Variants in EFR3B observed in about 807,000 individuals in gnomAD.
EFR3B encodes EFR3 homolog B.
Under a neutral mutation model 104.7 loss-of-function variants are expected in EFR3B, and 64 were observed. The ratio of observed to expected loss-of-function variants is 0.61; its 90% CI spans 0.50 to 0.75. The LOEUF (loss-of-function observed/expected upper bound fraction) is 0.75. EFR3B is among the 30% of genes least tolerant of loss of function. EFR3B has a pLI of 0.00. For synonymous variants in EFR3B, 385 were observed against 417.9 expected (o/e 0.92, Z 0.96); for missense variants, 750 against 1,078.5 (o/e 0.70, Z 4.27).
intron 19 of EFR3B, among the ~76,000 whole-genome samples, chr2:25,148,442 A>G (rs1195093236): frequency 1.3e-5 from 2 of 151,442 alleles, no homozygotes; most frequent in Non-Finnish European, 2.9e-5. Context: ...TTTAGTAGAG[A>G]TGGGGTTTCA....
chr2:25,046,504 G>A (rs1558579263), intron 1 of EFR3B, among the ~76,000 whole-genome samples: 1 of 90,996 alleles, frequency 1.1e-5, no homozygotes, highest in African/African-American at 3.3e-5. Context: ...GAAGTACAAA[G>A]TCTTTTTTTT....
In EFR3B at chr2:25,042,966, T is replaced by TCCCCTCAACTGCCG. The variant is rs968036852; in HGVS notation, c.7+648_7+661dup. Among the ~76,000 whole-genome samples, 1 of 152,152 alleles carries TCCCCTCAACTGCCG rather than the reference T, an allele frequency of 6.6e-6. No homozygotes were observed. Among genetic ancestry groups the TCCCCTCAACTGCCG allele is most frequent in the African/African-American group, 2.4e-5 (1 of 41,452 alleles). On this transcript the variant is annotated intron_variant, in intron 1 of 22. Coordinates refer to ENST00000403714, the MANE Select transcript of EFR3B (RefSeq NM_014971.2). The surrounding 1 kb of genome is among the most constrained non-coding windows in gnomAD (Gnocchi z 5.4). The stretch of plus-strand genomic sequence containing the variant: ...TGACCTCTCCCCGCCTCCACCGCCA[T>TCCCCTCAACTGCCG]CCCCTCAACTGCCGTGCAACAGTTA...
chr2:25,133,366 G>T lies in EFR3B; in HGVS notation c.1260-17G>T. 1 of 1,552,240 alleles carries T rather than the reference G, an allele frequency of 6.4e-7. No individual in the cohort carries two copies. Among genetic ancestry groups the T allele is most frequent in the East Asian group, 2.4e-5 (1 of 40,914 alleles). ...CCTATTACCATCCTGGTGAGTGTTT[G>T]TGTCTCTGGTCTACAGGGAGAATAG... On this transcript the variant is annotated splice_polypyrimidine_tract_variant and intron_variant, in intron 11 of 22. Coordinates refer to ENST00000403714, the MANE Select transcript of EFR3B (RefSeq NM_014971.2).
chr2:25,125,680 G>A (rs1307115378), intron 5 of EFR3B, among the ~76,000 whole-genome samples: 2 of 152,222 alleles, frequency 1.3e-5, no homozygotes, highest in African/African-American at 4.8e-5. Flanking sequence ...CAGGCACGGT[G>A]GCTCACGCCT....
intron 3 of EFR3B, among the ~76,000 whole-genome samples, chr2:25,098,844 T>A (rs1669353307): frequency 6.8e-6 from 1 of 146,372 alleles, no homozygotes; most frequent in South Asian, 2.3e-4. Context: ...TTTTTTTTTT[T>A]TTTTTTTTTT....
intron 4 of EFR3B, among the ~76,000 whole-genome samples, chr2:25,105,974 G>A (rs1160224994): frequency 6.6e-6 from 1 of 152,240 alleles, no homozygotes; most frequent in Non-Finnish European, 1.5e-5. Context: ...TATTGTCAGT[G>A]AGTTAAGTCA....
intron 4 of EFR3B, among the ~76,000 whole-genome samples, chr2:25,105,894 G>T (rs769790661): frequency 3.3e-5 from 5 of 152,154 alleles, no homozygotes. Context: ...GTGAATCATC[G>T]CATCAGCCAG....
chr2:25,043,496 G>C (rs1268327841), intron 1 of EFR3B, among the ~76,000 whole-genome samples: 2 of 152,218 alleles, frequency 1.3e-5, no homozygotes, highest in Non-Finnish European at 2.9e-5. Context: ...CTGAGAGAGA[G>C]AGAGAGACTG....
intron 19 of EFR3B, chr2:25,145,433 G>C (rs1405676650): frequency 1.0e-5 from 3 of 295,542 alleles, no homozygotes; most frequent in African/African-American, 2.1e-5. Context: ...AATCAGCCAG[G>C]CATGGTGACG....
At chr2:25,123,733 G>A (rs1409178702) in intron 5 of EFR3B, among the ~76,000 whole-genome samples, 1 of 152,254 alleles carries the variant, frequency 6.6e-6, no homozygotes, top group Non-Finnish European at 1.5e-5. Flanking sequence ...GCCCACGCAG[G>A]CCCTGCCAAG....
intron 15 of EFR3B, among the ~76,000 whole-genome samples, chr2:25,138,387 G>T (rs1365671797): frequency 6.6e-6 from 1 of 152,094 alleles, no homozygotes; most frequent in African/African-American, 2.4e-5. Flanking sequence ...GTCTTCCTGG[G>T]TGCGTGTGTA....
At chr2:25,142,097 G>A (rs937777649) in intron 17 of EFR3B, among the ~76,000 whole-genome samples, 5 of 152,086 alleles carry the variant, frequency 3.3e-5, no homozygotes, top group South Asian at 2.1e-4. Context: ...CCATGAGTTC[G>A]AGACAACCAT....
At chr2:25,128,153 C>G (rs1260259937) in intron 5 of EFR3B, 30 bp from the exon 6 acceptor site, 2 of 1,551,072 alleles carry the variant, frequency 1.3e-6, no homozygotes, top group African/African-American at 2.7e-5. Flanking sequence ...TAGAGGACTT[C>G]CGAGTCCCAC....
intron 3 of EFR3B, among the ~76,000 whole-genome samples, chr2:25,094,109 C>T (rs1388971065): frequency 6.6e-6 from 1 of 151,686 alleles, no homozygotes; most frequent in Non-Finnish European, 1.5e-5. Flanking sequence ...CAACATACTG[C>T]CCATCTCTAC....
At position 25,145,048 on chromosome 2, in the gene EFR3B, G is replaced by A. The variant is rs772214354; in HGVS notation, c.2139G>A (p.Glu713=). The A allele has an allele frequency of 3.9e-6, 6 of 1,551,770 alleles. No homozygotes were observed. The highest frequency in any genetic ancestry group is 2.0e-5 in the Admixed American group (1 of 51,014). The part of the protein sequence containing the change: ...EVESRNSPEK[E]ERVPAEEITY... ...AATCGAGGAACAGTCCGGAGAAGGAGGAGGTGAGTGTCCGTGCCACCGTCC... is the reference window on the plus strand; with the variant it reads ...AATCGAGGAACAGTCCGGAGAAGGAAGAGGTGAGTGTCCGTGCCACCGTCC... The change falls in exon 19 of 23, where the codon GAG becomes GAA. Residue 713 remains glutamate, a synonymous_variant. Coordinates refer to ENST00000403714, the MANE Select transcript of EFR3B (RefSeq NM_014971.2).
At chr2:25,141,021 A>C (rs1670650791) in intron 16 of EFR3B, among the ~76,000 whole-genome samples, 1 of 148,888 alleles carries the variant, frequency 6.7e-6, no homozygotes, top group South Asian at 2.2e-4. Context: ...AGCCTGGACA[A>C]GACAGCGAGA....
chr2:25,110,391 C>A (rs1274805968), intron 4 of EFR3B, among the ~76,000 whole-genome samples: 1 of 152,156 alleles, frequency 6.6e-6, no homozygotes, highest in Non-Finnish European at 1.5e-5. Context: ...TCCAAGTGAT[C>A]CTTACAAACC....
At chr2:25,105,782 G>A (rs549510492) in intron 4 of EFR3B, among the ~76,000 whole-genome samples, 5 of 152,298 alleles carry the variant, frequency 3.3e-5, no homozygotes, top group African/African-American at 1.2e-4. Context: ...GGAAGCAGGT[G>A]GCCACCACCT....
At chr2:25,113,481 A>G (rs1669777310) in intron 4 of EFR3B, among the ~76,000 whole-genome samples, 2 of 152,056 alleles carry the variant, frequency 1.3e-5, no homozygotes, top group South Asian at 4.1e-4. Context: ...ATCCTGGCTA[A>G]CACGGTGAAA....
Sources: allele counts gnomAD v4.1 joint callset (sites outside exome capture counted in the v4.1 genomes callset), GRCh38; gene constraint gnomAD v4.1.1; non-coding constraint Gnocchi (gnomAD v3.1); transcripts MANE v1.5; gene names NCBI Gene and HGNC (gene_info 2026-07-23, HGNC 2026-07-21).